The following BICDL2 variants were observed in gnomAD, a reference collection of about 807,000 sequenced individuals.
The protein encoded by BICDL2 is BICD family like cargo adaptor 2.
BICDL2 carries 62 observed loss-of-function variants against 56.6 expected under a neutral mutation model. The observed-to-expected ratio is 1.10, with a 90% CI of 0.89 to 1.35. The LOEUF (loss-of-function observed/expected upper bound fraction) is 1.35. Among genes scored for constraint, BICDL2 ranks in the 40% most tolerant of loss-of-function variants. The probability of loss-of-function intolerance (pLI) is 0.00; values close to 1 mark genes in which losing one functional copy is unlikely to be tolerated. For missense variants in BICDL2, 808 were observed against 684.5 expected (o/e 1.18, Z -2.01); for synonymous variants, 358 against 319.8 (o/e 1.12, Z -1.27).
intron 1 of BICDL2, 166 bp downstream of exon 1, chr16:3,036,728 C>G (rs965500916): frequency 1.4e-4 from 61 of 435,320 alleles, no homozygotes; most frequent in African/African-American, 1.2e-3. Flanking sequence ...AGAGAAGCGG[C>G]TGGGCTCACC....
rs1040730682 is a variant in BICDL2, at chr16:3,028,402, C to T, written c.1305G>A (p.Leu435=). 2.6e-6 allele frequency: 4 copies of T among 1,553,734 alleles called. No individual in the cohort carries two copies. The Admixed American group carries it at 7.6e-5, about 29-fold the overall frequency. The change falls in exon 9 of 10, where the codon CTG becomes CTA. Residue 435 remains leucine, a synonymous_variant. Coordinates refer to ENST00000572449, the MANE Select transcript of BICDL2 (RefSeq NM_001369667.1). ...CCACCTTCTGGCGGATGGCGCGCAG[C>T]AGCTCCCGAGACAGGGAGTCTCGCT... ...SLERDSLSRE[L]LRAIRQKVAL... is the part of the protein sequence containing the mutation.
chr16:3,027,803 A>G lies in BICDL2; in HGVS notation c.*303T>C. On this transcript the variant is annotated 3_prime_UTR_variant, in exon 10 of 10. Transcript: ENST00000572449. The stretch of plus-strand genomic sequence containing the variant: ...GCCAAATCGGTGGAGTGATTTATAT[A>G]TTACTCTGTCCGATCTTGATACATA... 1.1e-6 allele frequency: 1 copy of G among 942,204 alleles called. No homozygotes were observed. 58.4% of individuals were successfully genotyped at this position (942,204 alleles called of 1,614,324 possible).
intron 2 of BICDL2, chr16:3,034,838 T>A: frequency 5.0e-6 from 1 of 200,340 alleles, no homozygotes; most frequent in South Asian, 1.1e-4. Context: ...CTCGGCCTCC[T>A]GAGTAGCTGA....
chr16:3,031,771 C>CT (rs1391156865), intron 2 of BICDL2: 9 of 381,194 alleles, frequency 2.4e-5, no homozygotes, highest in Non-Finnish European at 4.2e-5. Flanking sequence ...GCTGCTGCAG[C>CT]GACTCGCAGG....
At chr16:3,035,884 C>G in intron 1 of BICDL2, 1 of 304,150 alleles carries the variant, frequency 3.3e-6, no homozygotes, top group South Asian at 3.4e-5. Flanking sequence ...GAGACAGTTC[C>G]CAGAACCCAG....
Position 3,030,986 on chromosome 16 carries a change from G to A in BICDL2, c.447C>T (p.Ala149=). 2 of 1,554,016 alleles carry A rather than the reference G, an allele frequency of 1.3e-6. No homozygotes were observed. Among genetic ancestry groups the A allele is most frequent in the Non-Finnish European group, 1.7e-6 (2 of 1,156,026 alleles). Residue 149 remains alanine, a synonymous_variant, in exon 3 of 10, where the codon GCC becomes GCT. Transcript: ENST00000572449. Reference sequence around the variant, plus strand: ...GGTTCTGCTCGCTGAGCTCGCTGAGGGCCCGTGCCCGTTCTCGCCCACTGT... The same window carrying A: ...GGTTCTGCTCGCTGAGCTCGCTGAGAGCCCGTGCCCGTTCTCGCCCACTGT... ...QQDSGRERAR[A]LSELSEQNLR...
Position 3,035,076 on chromosome 16 carries a change from T to C in BICDL2, c.282+139A>G. On this transcript the variant is annotated intron_variant, in intron 2 of 9. Transcript: ENST00000572449. ...GGGACTGGGCCCAGCTCTGACCTGT[T>C]CCAAAGTGCCCCCCTCGCCCGGCTG... 3 of 867,226 alleles carry C rather than the reference T, an allele frequency of 3.5e-6. No homozygotes were observed. In the East Asian group the frequency reaches 8.0e-5, roughly 23 times the overall value. 53.7% of individuals were successfully genotyped at this position (867,226 alleles called of 1,614,324 possible).
chr16:3,035,176 T>TTGGGCCGGGGGGGGGGGGGGGGGGGGGG, intron 2 of BICDL2, 39 bp downstream of exon 2: 2 of 136,274 alleles, frequency 1.5e-5, no homozygotes, highest in East Asian at 1.4e-4. Context: ...CGTCCTCCCC[T>TTGGGCCGGGGGGGGGGGGGGGGGGGGGG]GCCCACCCAC....
chr16:3,028,277 C>T lies in BICDL2; in HGVS notation c.1360-4G>A, dbSNP rs772705953. 2.7e-6 allele frequency: 4 copies of T among 1,492,168 alleles called. No homozygotes were observed. The East Asian group carries it at 7.5e-5, about 28-fold the overall frequency. The allele number at this position is 1,492,168 out of a possible 1,614,324, so 92.4% of individuals were successfully genotyped here. On this transcript the variant is annotated splice_region_variant and splice_polypyrimidine_tract_variant and intron_variant, in intron 9 of 9. Coordinates refer to ENST00000572449, the MANE Select transcript of BICDL2 (RefSeq NM_001369667.1). ...CGATCACCACCTGCATGTCGTCCTG[C>T]GGGAGGCCGTGGTCGGCTCAGCGCC...
At chr16:3,036,117 A>G in intron 1 of BICDL2, 1 of 374,570 alleles carries the variant, frequency 2.7e-6, no homozygotes, top group Non-Finnish European at 5.2e-6. Context: ...AGAGGTCCCC[A>G]CCTCCAATGT....
At position 3,035,513 on chromosome 16, in the gene BICDL2, G is replaced by T; in HGVS notation, c.-17C>A. The T allele has an allele frequency of 6.3e-7, 1 of 1,597,088 alleles. No homozygotes were observed. Among genetic ancestry groups the T allele is most frequent in the Non-Finnish European group, 8.5e-7 (1 of 1,172,436 alleles). On this transcript the variant is annotated 5_prime_UTR_variant, in exon 2 of 10. Coordinates refer to ENST00000572449, the MANE Select transcript of BICDL2 (RefSeq NM_001369667.1). Reference sequence around the variant, plus strand: ...AGAGCTCATGTCACCTGCAGCATCTGCGGGGACAGGTGGCTGCGGGACACT... The same window carrying T: ...AGAGCTCATGTCACCTGCAGCATCTTCGGGGACAGGTGGCTGCGGGACACT...
chr16:3,035,176 T>TTCCCCCCCCCCCCCCCCCCC lies in BICDL2; in HGVS notation c.282+38_282+39insGGGGGGGGGGGGGGGGGGGA. 7 of 136,274 alleles carry TTCCCCCCCCCCCCCCCCCCC rather than the reference T, an allele frequency of 5.1e-5. 1 individual carries two copies. Among genetic ancestry groups the TTCCCCCCCCCCCCCCCCCCC allele is most frequent in the Non-Finnish European group, 5.4e-5 (4 of 73,714 alleles). 8.4% of individuals were successfully genotyped at this position (136,274 alleles called of 1,614,324 possible). On this transcript the variant is annotated intron_variant, in intron 2 of 9. Transcript: ENST00000572449. Reference sequence around the variant, plus strand: ...CTCTCCAGGCCCACCCGTCCTCCCCTGCCCACCCACCCACCCACCCCGTCC... The same window carrying TTCCCCCCCCCCCCCCCCCCC: ...CTCTCCAGGCCCACCCGTCCTCCCCTTCCCCCCCCCCCCCCCCCCCGCCCACCCACCCACCCACCCCGTCC...
At chr16:3,036,855 C>A (rs1955740110) in intron 1 of BICDL2, 39 bp downstream of exon 1, 1 of 301,012 alleles carries the variant, frequency 3.3e-6, no homozygotes, top group South Asian at 2.5e-5. Context: ...CCTCCCCAGG[C>A]TCGAGGGGCC....
In BICDL2 at chr16:3,029,744, G is replaced by C. The variant is rs1955626160; in HGVS notation, c.763-5C>G. On this transcript the variant is annotated splice_polypyrimidine_tract_variant and splice_region_variant and intron_variant, in intron 5 of 9. Transcript: ENST00000572449. ...CTCTGACCGTGCGCGTTCCAGCTGT[G>C]GACGGTCCCGCAGACGGAAGCGCGG... 1 of 1,487,440 alleles carries C rather than the reference G, an allele frequency of 6.7e-7. No homozygotes were observed. Among genetic ancestry groups the C allele is most frequent in the African/African-American group, 1.5e-5 (1 of 68,866 alleles). 92.1% of individuals were successfully genotyped at this position (1,487,440 alleles called of 1,614,324 possible).
intron 2 of BICDL2, among the ~76,000 whole-genome samples, chr16:3,033,588 C>T (rs1955686077): frequency 6.6e-6 from 1 of 152,116 alleles, no homozygotes; most frequent in Admixed American, 6.6e-5. Flanking sequence ...TGAGACCAGC[C>T]TGGGCAACAT....
chr16:3,028,112 C>T lies in BICDL2; in HGVS notation c.1521G>A (p.Arg507=). ...AGCCCTCTGGGCCCAGCCGTCAGGT[C>T]CTTCGGAAGAGGTTACTGAGAAAGC... is the stretch of plus-strand genomic sequence containing the variant. The part of the protein sequence containing the change: ...AGGFLSNLFR[R]T Residue 507 remains arginine, a synonymous_variant, in exon 10 of 10, where the codon AGG becomes AGA. Transcript: ENST00000572449. The T allele has an allele frequency of 1.4e-6, 2 of 1,428,214 alleles. No homozygotes were observed. Among genetic ancestry groups the T allele is most frequent in the South Asian group, 1.5e-5 (1 of 64,750 alleles). 88.5% of individuals were successfully genotyped at this position (1,428,214 alleles called of 1,614,324 possible).
rs769919654 is a variant in BICDL2 at position 3,028,265 on chromosome 16, C to T, written c.1368G>A (p.Met456Ile). Residue 456 changes from methionine (M) to isoleucine (I), a missense_variant, in exon 10 of 10, where the codon ATG (methionine) becomes ATA (isoleucine). Physicochemically the swap from Met to Ile is conservative, Grantham distance 10. Transcript: ENST00000572449. ...GCAGCTGCTGCCCGATCACCACCTG[C>T]ATGTCGTCCTGCGGGAGGCCGTGGT... ...TQELEAWQDDMQVVIGQQLRS... is the reference protein window; with the variant it reads ...TQELEAWQDDIQVVIGQQLRS... The T allele has an allele frequency of 2.0e-6, 3 of 1,489,834 alleles. No homozygotes were observed. Among genetic ancestry groups the T allele is most frequent in the Non-Finnish European group, 2.6e-6 (3 of 1,133,160 alleles). The allele number at this position is 1,489,834 out of a possible 1,614,324, so 92.3% of individuals were successfully genotyped here. A position where few individuals can be genotyped will look rare whatever the true frequency, so the allele number is the denominator to read the frequency against.
intron 2 of BICDL2, 39 bp downstream of exon 2, chr16:3,035,176 T>TGGGGGGGGGGGGGGG: frequency 7.3e-6 from 1 of 136,274 alleles, no homozygotes; most frequent in Non-Finnish European, 1.4e-5. Flanking sequence ...CGTCCTCCCC[T>TGGGGGGGGGGGGGGG]GCCCACCCAC....
At chr16:3,029,247 G>A in intron 7 of BICDL2, 33 bp downstream of exon 7, 1 of 1,599,616 alleles carries the variant, frequency 6.3e-7, no homozygotes, top group Non-Finnish European at 8.5e-7. Flanking sequence ...AGCTGGAGGG[G>A]CCGTGCATCC....
Sources: allele counts gnomAD v4.1 joint callset (sites outside exome capture counted in the v4.1 genomes callset), GRCh38; gene constraint gnomAD v4.1.1; transcripts MANE v1.5; gene names NCBI Gene and HGNC (gene_info 2026-07-23, HGNC 2026-07-21).